LRRC8A: variants seen among roughly 807,000 people sequenced by gnomAD.
LRRC8A encodes the protein volume-regulated anion channel subunit LRRC8A.
LRRC8A carries 24 observed loss-of-function variants against 52.5 expected under a neutral mutation model. That is an observed-to-expected ratio of 0.46 (90% CI 0.33 to 0.64). The LOEUF (loss-of-function observed/expected upper bound fraction) is 0.64. Ranked by LOEUF, LRRC8A falls within the 30% of genes least tolerant of loss-of-function variation. The pLI is 0.02. For synonymous variants in LRRC8A, 492 were observed against 494.2 expected, an observed-to-expected ratio of 1.00 and a Z score of 0.06; for missense variants, 677 against 1,094.7, an observed-to-expected ratio of 0.62 and a Z score of 5.38.
rs781005769 is a variant in LRRC8A, at chr9:128,916,178, C to T, written c.2240C>T (p.Pro747Leu). Residue 747 changes from proline to leucine, a missense_variant, in exon 4 of 4, where the codon CCC (proline) becomes CTC (leucine). By Grantham distance (98) the Pro-to-Leu change is moderately conservative (BLOSUM62 -3). This residue lies in a region of LRRC8A where 169 missense variants were observed against 217.6 expected (regional missense o/e 0.78). Transcript: ENST00000372600. The surrounding 1 kb of genome is among the most constrained non-coding windows in gnomAD (Gnocchi z 6.1). ...HLGNNVLQSL[P>L]SRVGELTNLT... ...GGCAACAACGTGCTGCAGTCACTGC[C>T]CTCCAGGGTGGGCGAGCTGACCAAC... is the stretch of plus-strand genomic sequence containing the variant. The T allele has an allele frequency of 1.9e-6, 3 of 1,613,316 alleles. No individual in the cohort carries two copies. The highest frequency in any genetic ancestry group is 1.3e-5 in the African/African-American group (1 of 74,934).
chr9:128,916,069 C>A lies in LRRC8A; in HGVS notation c.2158-27C>A. ...CCCGTCCAAGCCCACACCCACCTCA[C>A]TCTCACCCCTGCTTTTTTCCCTCCA... is the stretch of plus-strand genomic sequence containing the variant. On this transcript the variant is annotated intron_variant, in intron 3 of 3. Transcript: ENST00000372600. The surrounding 1 kb of genome is among the most constrained non-coding windows in gnomAD (Gnocchi z 6.1). 6.3e-7 allele frequency: 1 copy of A among 1,580,140 alleles called. No homozygotes were observed. Among genetic ancestry groups the A allele is most frequent in the Non-Finnish European group, 8.6e-7 (1 of 1,158,726 alleles).
rs1839952454 is a variant in LRRC8A, at chr9:128,899,671, C to T, written c.-8-7486C>T. Among the ~76,000 whole-genome samples the T allele has an allele frequency of 6.6e-6, 1 of 152,086 alleles. No homozygotes were observed. The highest frequency in any genetic ancestry group is 2.4e-5 in the African/African-American group (1 of 41,404). ...CAAAAGGACAAATACCTTATGATTC[C>T]ACTTACATGAGGTCCCTAGAGAAGT... On this transcript the variant is annotated intron_variant, in intron 2 of 3. Transcript: ENST00000372600. This position sits in a 1 kb window ranked among gnomAD's most constrained non-coding sequence, Gnocchi z 4.0.
chr9:128,910,951 G>A (rs969348599), intron 3 of LRRC8A, among the ~76,000 whole-genome samples: 7 of 152,252 alleles, frequency 4.6e-5, no homozygotes, highest in African/African-American at 7.2e-5. Flanking sequence ...TGTTGGTTTC[G>A]TGGGCACCTG....
At chr9:128,904,957 C>G (rs1382186382) in intron 2 of LRRC8A, among the ~76,000 whole-genome samples, 1 of 144,014 alleles carries the variant, frequency 6.9e-6, no homozygotes, top group African/African-American at 2.6e-5. Context: ...AAGATCGCAC[C>G]ACTGCACTCC....
At chr9:128,910,076 T>C (rs1255568226) in intron 3 of LRRC8A, among the ~76,000 whole-genome samples, 1 of 152,208 alleles carries the variant, frequency 6.6e-6, no homozygotes, top group Non-Finnish European at 1.5e-5. Flanking sequence ...AAGGGCCCCT[T>C]GGTGGAGGCA....
intron 2 of LRRC8A, among the ~76,000 whole-genome samples, chr9:128,903,617 G>A (rs1288211790): frequency 1.3e-5 from 2 of 151,738 alleles, no homozygotes; most frequent in South Asian, 2.1e-4. Context: ...GTTTCACCTT[G>A]TTAGCCAGGA....
At chr9:128,897,851 C>A (rs949584783) in intron 2 of LRRC8A, among the ~76,000 whole-genome samples, 3 of 151,016 alleles carry the variant, frequency 2.0e-5, no homozygotes, top group South Asian at 2.1e-4. Flanking sequence ...GCAAAATAAT[C>A]TTTTTTCTTA....
intron 2 of LRRC8A, among the ~76,000 whole-genome samples, chr9:128,890,790 G>A (rs1473728528): frequency 2.6e-5 from 4 of 152,196 alleles, no homozygotes; most frequent in Non-Finnish European, 5.9e-5. Context: ...AGAAGGCAGC[G>A]CTGGTATTCA....
At chr9:128,906,248 C>T (rs1840243300) in intron 2 of LRRC8A, among the ~76,000 whole-genome samples, 1 of 152,044 alleles carries the variant, frequency 6.6e-6, no homozygotes, top group Non-Finnish European at 1.5e-5. Context: ...CCCACTTCAT[C>T]CTCCCAAAAT....
chr9:128,884,739 G>A (rs985215268), intron 1 of LRRC8A, among the ~76,000 whole-genome samples: 3 of 152,158 alleles, frequency 2.0e-5, no homozygotes, highest in Non-Finnish European at 4.4e-5. Flanking sequence ...CCCAGCCTCA[G>A]TGGGTGCCCC....
Position 128,915,309 on chromosome 9 carries a change from A to G in LRRC8A, c.2158-787A>G, listed in dbSNP as rs530192841. The stretch of plus-strand genomic sequence containing the variant: ...AAAGTTTAATTTATAAATTAAGCAT[A>G]GTACACTTAGGCTTTGAGGCTATTA... On this transcript the variant is annotated intron_variant, in intron 3 of 3. Transcript: ENST00000372600. 9.9e-5 allele frequency among the ~76,000 whole-genome samples: 15 copies of G among 152,264 alleles called. No individual in the cohort carries two copies. The East Asian group carries it at 2.5e-3, about 25-fold the overall frequency.
chr9:128,883,252 G>A (rs1193796818), intron 1 of LRRC8A, among the ~76,000 whole-genome samples: 1 of 152,204 alleles, frequency 6.6e-6, no homozygotes, highest in African/African-American at 2.4e-5. Context: ...AAGAGGAAGG[G>A]AACTGGGGGA....
chr9:128,908,030 T>C lies in LRRC8A; in HGVS notation c.866T>C (p.Ile289Thr), dbSNP rs1232980816. The C allele has an allele frequency of 6.2e-7, 1 of 1,614,068 alleles. No homozygotes were observed. Among genetic ancestry groups the C allele is most frequent in the Middle Eastern group, 1.6e-4 (1 of 6,062 alleles). ...ICYTVYYVHN[I>T]KFDVDCTVDI... ...TACACCGTCTACTACGTGCACAACA[T>C]CAAGTTCGACGTGGACTGCACCGTG... Residue 289 changes from isoleucine to threonine, a missense_variant, in exon 3 of 4, where the codon ATC becomes ACC. Physicochemically the swap from Ile to Thr is moderately conservative, Grantham distance 89 (BLOSUM62 -1). Around this residue, in one of 4 missense-constraint regions of LRRC8A, gnomAD observed 422 missense variants for 741.5 expected, o/e 0.57. Transcript: ENST00000372600.
At chr9:128,890,384 C>T (rs142308693) in intron 2 of LRRC8A, among the ~76,000 whole-genome samples, 8 of 152,286 alleles carry the variant, frequency 5.3e-5, no homozygotes, top group Non-Finnish European at 8.8e-5. Flanking sequence ...CTAAGCCTCA[C>T]GCCTAGAGCA....
Position 128,909,319 on chromosome 9 carries a change from C to T in LRRC8A, c.2155C>T (p.Arg719Trp), listed in dbSNP as rs145027705. Residue 719 changes from arginine to tryptophan, a missense_variant and splice_region_variant, in exon 3 of 4, where the codon CGG becomes TGG. Physicochemically the swap from Arg to Trp is moderately radical, Grantham distance 101. Coordinates refer to ENST00000372600, the MANE Select transcript of LRRC8A (RefSeq NM_019594.4). The part of the protein sequence containing the change: ...NLQNLAITAN[R>W]IETLPPELFQ... ...CCAGAACCTAGCCATCACGGCCAAC[C>T]GGGTGAGTGGCCCGGCCACAGCTCT... The T allele has an allele frequency of 6.5e-5, 104 of 1,612,110 alleles. No homozygotes were observed. The African/African-American group carries it at 1.1e-3, about 17-fold the overall frequency.
chr9:128,882,814 A>T, intron 1 of LRRC8A: 1 of 398,774 alleles, frequency 2.5e-6, no homozygotes, highest in Non-Finnish European at 4.4e-6. Context: ...ACCGGTCCGG[A>T]ATCTAAGAAC....
intron 3 of LRRC8A, among the ~76,000 whole-genome samples, chr9:128,910,490 C>T (rs1218392561): frequency 2.0e-5 from 3 of 152,284 alleles, no homozygotes; most frequent in East Asian, 1.9e-4. Context: ...CTCAGGAGTT[C>T]GAGACCAGCC....
rs549720448 is a variant in LRRC8A at position 128,888,545 on chromosome 9, G to C, written c.-9+2424G>C. Among the ~76,000 whole-genome samples, 7 of 152,236 alleles carry C rather than the reference G, an allele frequency of 4.6e-5. No individual in the cohort carries two copies. The South Asian group carries it at 6.2e-4, about 14-fold the overall frequency. On this transcript the variant is annotated intron_variant, in intron 2 of 3. Coordinates refer to ENST00000372600, the MANE Select transcript of LRRC8A (RefSeq NM_019594.4). The stretch of plus-strand genomic sequence containing the variant: ...CATGCTCCTTTCAAGTTTTAGTTCT[G>C]AGAGTGGGCAGGTGAGGAGCAGGAG...
chr9:128,908,624 C>G lies in LRRC8A; in HGVS notation c.1460C>G (p.Ala487Gly). 1 of 1,612,642 alleles carries G rather than the reference C, an allele frequency of 6.2e-7. No individual in the cohort carries two copies. The highest frequency in any genetic ancestry group is 1.1e-5 in the South Asian group (1 of 91,050). Residue 487 changes from alanine to glycine, a missense_variant, in exon 3 of 4, where the codon GCG (alanine) becomes GGG (glycine). Physicochemically the swap from Ala to Gly is moderately conservative, Grantham distance 60. Transcript: ENST00000372600. ...YHTAAKIEAP[A>G]LAFLRENLRA... is the part of the protein sequence containing the mutation. ...ACAGCGGCCAAGATTGAAGCGCCCG[C>G]GCTGGCCTTCCTGCGTGAGAACCTG...
Sources: gnomAD v4.1 joint callset for allele counts (sites outside exome capture counted in the v4.1 genomes callset) on GRCh38, gnomAD v4.1.1 for gene constraint, gnomAD v4.1.1 regional missense constraint, Gnocchi (gnomAD v3.1) non-coding constraint, MANE v1.5 for transcripts, NCBI Gene and HGNC (gene_info 2026-07-23, HGNC 2026-07-21) for gene names.